MAD1L1: variants seen among roughly 807,000 people sequenced by gnomAD.
The protein encoded by MAD1L1 is mitotic spindle assembly checkpoint protein MAD1.
In MAD1L1, 95 loss-of-function variants were observed where a neutral mutation model predicts 96.9. The ratio of observed to expected loss-of-function variants is 0.98; its 90% confidence interval spans 0.83 to 1.16. The LOEUF is 1.16. MAD1L1 is among the 50% of genes most tolerant of loss of function. The pLI, the probability that MAD1L1 is intolerant of heterozygous loss-of-function variation, is 0.00. For missense variants in MAD1L1, 1,007 were observed against 954.4 expected, an observed-to-expected ratio of 1.06 and a Z score of -0.73; for synonymous variants, 473 against 396.6, an observed-to-expected ratio of 1.19 and a Z score of -2.29.
intron 14 of MAD1L1, among the ~76,000 whole-genome samples, chr7:1,993,138 T>C (rs1296230758): frequency 6.6e-6 from 1 of 152,226 alleles, no homozygotes; most frequent in African/African-American, 2.4e-5. Context: ...GAGTCTGAAG[T>C]GCCCACCTTC....
intron 18 of MAD1L1, among the ~76,000 whole-genome samples, chr7:1,891,540 A>G (rs1042997687): frequency 7.7e-5 from 6 of 77,680 alleles, no homozygotes; most frequent in South Asian, 4.6e-4. Context: ...AATAAATAAA[A>G]TTAAAAAGTT....
chr7:1,926,458 G>A (rs1292116013), intron 17 of MAD1L1, among the ~76,000 whole-genome samples: 1 of 152,198 alleles, frequency 6.6e-6, no homozygotes, highest in East Asian at 1.9e-4. Context: ...GAACACAGAC[G>A]TGAAGATTAC....
intron 10 of MAD1L1, among the ~76,000 whole-genome samples, chr7:2,162,833 CT>C (rs1426806334): frequency 6.7e-6 from 1 of 149,774 alleles, no homozygotes; most frequent in Non-Finnish European, 1.5e-5. Context: ...AAGCTGCAAA[CT>C]TTTTCTTCGA....
chr7:2,001,422 G>T (rs1434215645), intron 14 of MAD1L1, among the ~76,000 whole-genome samples: 1 of 152,278 alleles, frequency 6.6e-6, no homozygotes, highest in Non-Finnish European at 1.5e-5. Context: ...AAAACAGTGG[G>T]AAGCTTTTGA....
At chr7:2,059,898 C>T (rs1036214996) in intron 12 of MAD1L1, among the ~76,000 whole-genome samples, 8 of 152,096 alleles carry the variant, frequency 5.3e-5, no homozygotes, top group Non-Finnish European at 8.8e-5. Context: ...AAAACTGCGT[C>T]GAATGTTCAA....
At chr7:2,056,766 G>A (rs757265033) in intron 12 of MAD1L1, among the ~76,000 whole-genome samples, 1 of 152,168 alleles carries the variant, frequency 6.6e-6, no homozygotes, top group Non-Finnish European at 1.5e-5. Flanking sequence ...ACTGTTGTGG[G>A]GCCACAGAAA....
chr7:2,091,639 A>G (rs1158372149), intron 11 of MAD1L1, among the ~76,000 whole-genome samples: 1 of 152,102 alleles, frequency 6.6e-6, no homozygotes, highest in African/African-American at 2.4e-5. Context: ...AGCCGGGCTT[A>G]GTGGTGGGCG....
chr7:1,986,227 A>G (rs1425703474), intron 14 of MAD1L1, among the ~76,000 whole-genome samples: 2 of 152,204 alleles, frequency 1.3e-5, no homozygotes, highest in Non-Finnish European at 2.9e-5. Flanking sequence ...GAGTTTTCCT[A>G]AGAGCAAATG....
At chr7:2,092,424 C>T (rs930907852) in intron 11 of MAD1L1, among the ~76,000 whole-genome samples, 1 of 152,062 alleles carries the variant, frequency 6.6e-6, no homozygotes, top group Non-Finnish European at 1.5e-5. Context: ...ACGCCCCACC[C>T]AAGCATCCTC....
intron 13 of MAD1L1, among the ~76,000 whole-genome samples, chr7:2,013,944 C>T (rs1782416481): frequency 6.6e-6 from 1 of 152,226 alleles, no homozygotes; most frequent in Admixed American, 6.5e-5. Context: ...AAGGCAGAAG[C>T]CAAGGCTGAG....
chr7:2,223,884 T>C (rs755732155), intron 4 of MAD1L1, among the ~76,000 whole-genome samples: 8 of 152,210 alleles, frequency 5.3e-5, no homozygotes, highest in Non-Finnish European at 8.8e-5. Flanking sequence ...CAAGGAACAA[T>C]TGGAAAACTA....
At chr7:2,189,274 A>G (rs1791605065) in intron 10 of MAD1L1, among the ~76,000 whole-genome samples, 1 of 152,196 alleles carries the variant, frequency 6.6e-6, no homozygotes, top group Non-Finnish European at 1.5e-5. Flanking sequence ...GGCTCCTAAA[A>G]TAGTTAAAAG....
At chr7:1,939,648 C>T (rs138218074) in intron 16 of MAD1L1, among the ~76,000 whole-genome samples, 5 of 152,348 alleles carry the variant, frequency 3.3e-5, no homozygotes, top group South Asian at 2.1e-4. Context: ...CTTCTGCCCA[C>T]GCACTCTCCT....
chr7:1,961,529 G>A (rs1779949522), intron 15 of MAD1L1, among the ~76,000 whole-genome samples: 1 of 152,114 alleles, frequency 6.6e-6, no homozygotes, highest in African/African-American at 2.4e-5. Flanking sequence ...GTGTTCTTGG[G>A]GGAAATAAAG....
At chr7:2,161,011 AT>A (rs1388845734) in intron 10 of MAD1L1, among the ~76,000 whole-genome samples, 4 of 151,090 alleles carry the variant, frequency 2.6e-5, no homozygotes, top group Non-Finnish European at 3.0e-5. Context: ...ACGCTCAGCT[AT>A]GCATAACAAT....
At chr7:1,864,032 G>T (rs192123180) in intron 18 of MAD1L1, among the ~76,000 whole-genome samples, 1 of 152,180 alleles carries the variant, frequency 6.6e-6, no homozygotes, top group African/African-American at 2.4e-5. Flanking sequence ...AGCAGAGGTT[G>T]CAGTGAGCCG....
chr7:1,884,737 G>T (rs908863068), intron 18 of MAD1L1, among the ~76,000 whole-genome samples: 1 of 152,182 alleles, frequency 6.6e-6, no homozygotes, highest in South Asian at 2.1e-4. Flanking sequence ...AGCGGACCAC[G>T]CCTGCGCCCT....
intron 13 of MAD1L1, among the ~76,000 whole-genome samples, chr7:2,012,491 A>C (rs1782347219): frequency 6.6e-6 from 1 of 152,228 alleles, no homozygotes; most frequent in Non-Finnish European, 1.5e-5. Flanking sequence ...GTACAGCCGG[A>C]GCTAGCCTTT....
At position 2,227,391 on chromosome 7, in the gene MAD1L1, A is replaced by C. The variant is rs904210461; in HGVS notation, c.151-1841T>G. 3.3e-5 allele frequency among the ~76,000 whole-genome samples: 5 copies of C among 152,334 alleles called. No individual in the cohort carries two copies. The South Asian group carries it at 1.0e-3, about 32-fold the overall frequency. On this transcript the variant is annotated intron_variant, in intron 3 of 18. Coordinates refer to ENST00000265854, the MANE Select transcript of MAD1L1 (RefSeq NM_001013836.2). Reference sequence around the variant, plus strand: ...GCACCAGAGTAGAGTGGTGGTTCCCAGTGGGGTCCAGTTTTGCCCCTGGGA... The same window carrying C: ...GCACCAGAGTAGAGTGGTGGTTCCCCGTGGGGTCCAGTTTTGCCCCTGGGA...
Sources: allele counts gnomAD v4.1 joint callset (sites outside exome capture counted in the v4.1 genomes callset), GRCh38; gene constraint gnomAD v4.1.1; transcripts MANE v1.5; gene names NCBI Gene and HGNC (gene_info 2026-07-23, HGNC 2026-07-21).